TCF12: variants seen among roughly 807,000 people sequenced by gnomAD.
TCF12 encodes DNA-binding protein HTF4.
Under a neutral mutation model 86.0 loss-of-function variants are expected in TCF12, and 45 were observed. The ratio of observed to expected loss-of-function variants is 0.52; its 90% CI spans 0.41 to 0.67. The LOEUF is 0.67. Among genes scored for constraint, TCF12 ranks in the 30% least tolerant of loss-of-function variants. The pLI is 0.00. For missense variants in TCF12, 881 were observed against 859.9 expected (o/e 1.02, Z -0.31); for synonymous variants, 330 against 299.6 (o/e 1.10, Z -1.05).
At chr15:57,050,464 G>T (rs1567321286) in intron 3 of TCF12, among the ~76,000 whole-genome samples, 1 of 151,810 alleles carries the variant, frequency 6.6e-6, no homozygotes, top group Non-Finnish European at 1.5e-5. Flanking sequence ...TTTCTCTCTG[G>T]TGAATTGAAG....
chr15:57,151,356 G>C (rs1193087888), intron 5 of TCF12, among the ~76,000 whole-genome samples: 4 of 79,680 alleles, frequency 5.0e-5, no homozygotes, highest in Non-Finnish European at 1.1e-4. Context: ...ATTAACTGCA[G>C]CTTATTCACT....
chr15:57,112,497 G>T (rs2050561090), intron 5 of TCF12, among the ~76,000 whole-genome samples: 1 of 152,180 alleles, frequency 6.6e-6, no homozygotes, highest in Non-Finnish European at 1.5e-5. Flanking sequence ...TCAAGGAGAG[G>T]AGCTGTGATG....
chr15:57,068,857 G>A (rs2069128521), intron 4 of TCF12, among the ~76,000 whole-genome samples: 1 of 152,254 alleles, frequency 6.6e-6, no homozygotes, highest in Middle Eastern at 3.4e-3. Flanking sequence ...CATGTATTTT[G>A]TAGGGTTTTG....
rs376888121 is a variant in TCF12 at position 57,055,358 on chromosome 15, G to A, written c.149-8392G>A. Among the ~76,000 whole-genome samples the A allele has an allele frequency of 2.4e-4, 36 of 152,238 alleles. No homozygotes were observed. In the East Asian group the frequency reaches 3.9e-3, roughly 16 times the overall value. ...GGCGGTTGCAGTGAGCTCAGATCGC[G>A]CCACTGCACTCTGGCCTGGGTGACG... On this transcript the variant is annotated intron_variant, in intron 3 of 20. Transcript: ENST00000333725.
chr15:56,921,479 T>A (rs1265550137), intron 3 of TCF12, among the ~76,000 whole-genome samples: 1 of 152,092 alleles, frequency 6.6e-6, no homozygotes, highest in African/African-American at 2.4e-5. Flanking sequence ...AAATTTACTT[T>A]CAATACATTT....
At chr15:57,071,808 T>C (rs1321375091) in intron 4 of TCF12, among the ~76,000 whole-genome samples, 1 of 152,062 alleles carries the variant, frequency 6.6e-6, no homozygotes, top group Admixed American at 6.6e-5. Context: ...GAGGAGGAAG[T>C]GTTTGAGTAG....
intron 5 of TCF12, among the ~76,000 whole-genome samples, chr15:57,162,088 G>C (rs2054546979): frequency 6.6e-6 from 1 of 152,090 alleles, no homozygotes; most frequent in Admixed American, 6.6e-5. Context: ...CCCTGTATTA[G>C]ACTATCCCAG....
In TCF12 at chr15:57,275,015, A is replaced by G. The variant is rs578228838; in HGVS notation, c.1978+1753A>G. Reference sequence around the variant, plus strand: ...GACCTTATTCATTTGTAACATTGGAATTTCCAGTGGTTCCATGCGGGCACC... The same window carrying G: ...GACCTTATTCATTTGTAACATTGGAGTTTCCAGTGGTTCCATGCGGGCACC... On this transcript the variant is annotated intron_variant, in intron 19 of 20. Transcript: ENST00000333725. Among the ~76,000 whole-genome samples the G allele has an allele frequency of 2.6e-5, 4 of 152,292 alleles. No individual in the cohort carries two copies. In the South Asian group the frequency reaches 8.3e-4, roughly 32 times the overall value.
At chr15:56,994,083 A>G (rs372478141) in intron 3 of TCF12, among the ~76,000 whole-genome samples, 79 of 152,342 alleles carry the variant, frequency 5.2e-4, no homozygotes, top group African/African-American at 1.8e-3. Context: ...ACTGAAAAAT[A>G]CAATAAGTTA....
intron 3 of TCF12, among the ~76,000 whole-genome samples, chr15:56,944,274 AC>A (rs2060901881): frequency 6.6e-6 from 1 of 152,234 alleles, no homozygotes; most frequent in Non-Finnish European, 1.5e-5. Flanking sequence ...CTGTGAAAAT[AC>A]TTTGTAAAAC....
intron 13 of TCF12, among the ~76,000 whole-genome samples, chr15:57,244,095 T>A (rs1456600101): frequency 6.6e-6 from 1 of 152,024 alleles, no homozygotes; most frequent in African/African-American, 2.4e-5. Context: ...CCCAGCCTAG[T>A]CTTGAACACC....
chr15:57,208,850 G>A (rs1006120221), intron 8 of TCF12, among the ~76,000 whole-genome samples: 3 of 151,790 alleles, frequency 2.0e-5, no homozygotes, highest in East Asian at 3.9e-4. Context: ...TGAGTAACTG[G>A]GACTACAGGC....
chr15:56,919,475 T>C (rs1341808940), intron 1 of TCF12: 1 of 156,738 alleles, frequency 6.4e-6, no homozygotes, highest in Non-Finnish European at 1.4e-5. Flanking sequence ...AGTGAGTCAC[T>C]TCGCATCTCC....
rs137893033 is a variant in TCF12 at position 57,074,563 on chromosome 15, A to G, written c.222+10740A>G. On this transcript the variant is annotated intron_variant, in intron 4 of 20. Transcript: ENST00000333725. ...GCTCTGTCGCCCAGGCTGGAAATGC[A>G]GTGGCACAGTCATGGCTTACTGCAG... 1.5e-3 allele frequency among the ~76,000 whole-genome samples: 225 copies of G among 152,262 alleles called. 2 individuals carry two copies. The highest frequency in any genetic ancestry group is 5.1e-3 in the African/African-American group (211 of 41,542).
At chr15:57,006,136 T>A (rs1458551037) in intron 3 of TCF12, among the ~76,000 whole-genome samples, 1 of 152,206 alleles carries the variant, frequency 6.6e-6, no homozygotes, top group Non-Finnish European at 1.5e-5. Context: ...AACTGAACAC[T>A]CTTTTATGAT....
At chr15:57,024,705 A>G (rs1243342101) in intron 3 of TCF12, among the ~76,000 whole-genome samples, 1 of 152,210 alleles carries the variant, frequency 6.6e-6, no homozygotes, top group East Asian at 1.9e-4. Flanking sequence ...ACCATTCCAT[A>G]GTAAGAAGAA....
At chr15:56,960,430 A>ATT (rs5812861) in intron 3 of TCF12, among the ~76,000 whole-genome samples, 8,502 of 128,484 alleles carry the variant, frequency 0.066, 478 homozygotes, top group Admixed American at 0.17. Context: ...ACTGTATTGT[A>ATT]TTTTTTTTTT....
chr15:57,004,097 A>G (rs1167323189), intron 3 of TCF12, among the ~76,000 whole-genome samples: 2 of 152,120 alleles, frequency 1.3e-5, no homozygotes, highest in African/African-American at 4.8e-5. Flanking sequence ...TCTCACTTTA[A>G]GTTATGATAA....
rs140766143 is a variant in TCF12 at position 57,047,285 on chromosome 15, A to T, written c.149-16465A>T. Reference sequence around the variant, plus strand: ...GTTACTTTATCATAGATGTTTGTAGAATAAATGGAGAGATTTTAGCCCTTC... The same window carrying T: ...GTTACTTTATCATAGATGTTTGTAGTATAAATGGAGAGATTTTAGCCCTTC... On this transcript the variant is annotated intron_variant, in intron 3 of 20. Transcript: ENST00000333725. Among the ~76,000 whole-genome samples, 182 of 152,360 alleles carry T rather than the reference A, an allele frequency of 1.2e-3. 1 individual carries two copies. The highest frequency in any genetic ancestry group is 4.1e-3 in the African/African-American group (172 of 41,586).
Sources: allele counts gnomAD v4.1 joint callset (sites outside exome capture counted in the v4.1 genomes callset), GRCh38; gene constraint gnomAD v4.1.1; transcripts MANE v1.5; gene names NCBI Gene and HGNC (gene_info 2026-07-23, HGNC 2026-07-21).